EDEM3: variants seen among roughly 807,000 people sequenced by gnomAD.
EDEM3 encodes the protein ER degradation-enhancing alpha-mannosidase-like protein 3.
In EDEM3, 60 loss-of-function variants were observed where a neutral mutation model predicts 110.2. That is an observed-to-expected ratio of 0.54 (90% CI 0.44 to 0.67). The LOEUF (loss-of-function observed/expected upper bound fraction) is 0.67. EDEM3 is among the 30% of genes least tolerant of loss of function. EDEM3 has a pLI of 0.00. For missense variants in EDEM3, 996 were observed against 1,121.0 expected (o/e 0.89, Z 1.59); for synonymous variants, 352 against 382.9 (o/e 0.92, Z 0.94).
At chr1:184,720,955 A>C (rs1050550491) in intron 9 of EDEM3, 5 of 198,544 alleles carry the variant, frequency 2.5e-5, no homozygotes, top group African/African-American at 9.5e-5. Flanking sequence ...AAAAGAATTG[A>C]AATACAAAGG....
At chr1:184,711,907 G>T (rs1454683730) in intron 14 of EDEM3, 30 bp from the exon 15 acceptor site, 1 of 1,533,560 alleles carries the variant, frequency 6.5e-7, no homozygotes, top group African/African-American at 1.4e-5. Context: ...TATGTAAACA[G>T]AAATAATTAT....
intron 2 of EDEM3, among the ~76,000 whole-genome samples, chr1:184,746,948 A>C (rs1448811298): frequency 6.6e-6 from 1 of 152,130 alleles, no homozygotes; most frequent in Admixed American, 6.5e-5. Flanking sequence ...AATTCACCTT[A>C]AACTTGTATT....
At chr1:184,731,550 T>C (rs1353073173) in intron 6 of EDEM3, among the ~76,000 whole-genome samples, 1 of 152,228 alleles carries the variant, frequency 6.6e-6, no homozygotes, top group Non-Finnish European at 1.5e-5. Context: ...ACGGTTCTCC[T>C]CTTAAATCTC....
chr1:184,712,139 G>A (rs968889737), intron 14 of EDEM3, among the ~76,000 whole-genome samples: 1 of 151,978 alleles, frequency 6.6e-6, no homozygotes, highest in African/African-American at 2.4e-5. Context: ...TGTTAGCCAG[G>A]ATGGTCTCAA....
chr1:184,709,001 T>C (rs566899407), intron 16 of EDEM3, among the ~76,000 whole-genome samples: 5 of 152,188 alleles, frequency 3.3e-5, no homozygotes, highest in African/African-American at 1.2e-4. Context: ...AAAAATAAGA[T>C]GATTCCTGAT....
chr1:184,703,945 G>A (rs891926534), intron 18 of EDEM3, among the ~76,000 whole-genome samples: 9 of 152,154 alleles, frequency 5.9e-5, no homozygotes, highest in African/African-American at 2.2e-4. Flanking sequence ...GAGAGAGAAG[G>A]CTGGTGAGAA....
chr1:184,712,996 C>T (rs761124786), intron 13 of EDEM3, among the ~76,000 whole-genome samples: 7 of 152,036 alleles, frequency 4.6e-5, no homozygotes, highest in African/African-American at 9.7e-5. Context: ...ACAAATTTGA[C>T]GGAATTTATT....
At chr1:184,726,003 A>C (rs560917885) in intron 7 of EDEM3, among the ~76,000 whole-genome samples, 1 of 152,254 alleles carries the variant, frequency 6.6e-6, no homozygotes, top group Non-Finnish European at 1.5e-5. Flanking sequence ...AATATGGCTA[A>C]AAAAATTTCT....
In EDEM3 at chr1:184,737,699, G is replaced by A. The variant is rs1415292609; in HGVS notation, c.217C>T (p.Pro73Ser). 1 of 1,613,242 alleles carries A rather than the reference G, an allele frequency of 6.2e-7. No individual in the cohort carries two copies. The highest frequency in any genetic ancestry group is 8.5e-7 in the Non-Finnish European group (1 of 1,179,562). The stretch of plus-strand genomic sequence containing the variant: ...GTTAAAGGCATGAGTTCATCAGCAG[G>A]GTAAGCATGTTCCTGCAAGGAAAAC... ...AYGNYMEHAY[P>S]ADELMPLTCR... Residue 73 changes from proline to serine, a missense_variant, in exon 3 of 20, where the codon CCT becomes TCT. By Grantham distance (74) the Pro-to-Ser change is moderately conservative. Coordinates refer to ENST00000318130, the MANE Select transcript of EDEM3 (RefSeq NM_025191.4).
At chr1:184,734,509 C>T in intron 5 of EDEM3, 22 bp downstream of exon 5, 1 of 979,318 alleles carries the variant, frequency 1.0e-6, no homozygotes, top group Non-Finnish European at 1.4e-6. Context: ...AAAATTATAG[C>T]TTTAGTGTCT....
At chr1:184,695,546 G>A (rs576551471) in intron 19 of EDEM3, among the ~76,000 whole-genome samples, 118 of 151,888 alleles carry the variant, frequency 7.8e-4, no homozygotes, top group Non-Finnish European at 1.4e-3. Flanking sequence ...CTAATACAAC[G>A]TAAATGTTAT....
intron 15 of EDEM3, among the ~76,000 whole-genome samples, chr1:184,711,249 C>T (rs1357578350): frequency 6.6e-6 from 1 of 152,078 alleles, no homozygotes; most frequent in East Asian, 1.9e-4. Flanking sequence ...CAGGTGCCTG[C>T]CACCATGCCT....
chr1:184,732,661 A>G (rs914969182), intron 6 of EDEM3, 176 bp downstream of exon 6: 4 of 631,510 alleles, frequency 6.3e-6, no homozygotes, highest in Non-Finnish European at 1.0e-5. Flanking sequence ...TAATTATCAC[A>G]TCACTTAGAA....
intron 11 of EDEM3, among the ~76,000 whole-genome samples, chr1:184,718,835 CA>C (rs1434675629): frequency 6.6e-6 from 1 of 151,822 alleles, no homozygotes; most frequent in Admixed American, 6.6e-5. Context: ...TAGGTACATA[CA>C]AGAGTTAGAA....
At chr1:184,737,541 T>TA in intron 3 of EDEM3, 70 bp downstream of exon 3, 1 of 1,435,384 alleles carries the variant, frequency 7.0e-7, no homozygotes, top group Non-Finnish European at 9.8e-7. Flanking sequence ...TTATTATATG[T>TA]AAACTGTCTG....
At chr1:184,697,022 AATAAAAAAATACTAT>A (rs1649367551) in intron 19 of EDEM3, among the ~76,000 whole-genome samples, 1 of 151,946 alleles carries the variant, frequency 6.6e-6, no homozygotes, top group East Asian at 1.9e-4. Flanking sequence ...AAGCAACTTT[AATAAAAAAATACTAT>A]TAGAATTGAT....
intron 1 of EDEM3, among the ~76,000 whole-genome samples, chr1:184,753,307 GAC>G (rs2102145195): frequency 6.6e-6 from 1 of 151,082 alleles, no homozygotes; most frequent in African/African-American, 2.4e-5. Flanking sequence ...GGCTTCCAGT[GAC>G]GTACTTCCTT....
At chr1:184,716,219 C>A (rs1650537539) in intron 13 of EDEM3, among the ~76,000 whole-genome samples, 1 of 152,104 alleles carries the variant, frequency 6.6e-6, no homozygotes, top group Non-Finnish European at 1.5e-5. Flanking sequence ...CTAGTAAGAG[C>A]CCTGGCACAT....
chr1:184,704,680 A>AAAAAAAAACAAAAAAC (rs34995945), intron 18 of EDEM3, among the ~76,000 whole-genome samples: 1 of 145,350 alleles, frequency 6.9e-6, no homozygotes, highest in Non-Finnish European at 1.5e-5. Context: ...AAAAAAAAAA[A>AAAAAAAAACAAAAAAC]TTTCTGAGAG....
Sources: allele counts gnomAD v4.1 joint callset (sites outside exome capture counted in the v4.1 genomes callset), GRCh38; gene constraint gnomAD v4.1.1; transcripts MANE v1.5; gene names NCBI Gene and HGNC (gene_info 2026-07-23, HGNC 2026-07-21).